BICD1: variants seen among roughly 807,000 people sequenced by gnomAD.
BICD1 encodes BICD cargo adaptor 1.
A neutral mutation model predicts 92.5 loss-of-function variants in BICD1; 35 were observed. The ratio of observed to expected loss-of-function variants is 0.38; its 90% CI spans 0.29 to 0.50. The LOEUF (loss-of-function observed/expected upper bound fraction) is 0.50. Among genes scored for constraint, BICD1 ranks in the 20% least tolerant of loss-of-function variants. The pLI, the probability that BICD1 is intolerant of heterozygous loss-of-function variation, is 0.93. For synonymous variants in BICD1, 429 were observed against 465.1 expected (o/e 0.92, Z 1.00); for missense variants, 950 against 1,189.8 (o/e 0.80, Z 2.97).
chr12:32,299,387 G>T (rs1305610403), intron 3 of BICD1, among the ~76,000 whole-genome samples: 1 of 152,194 alleles, frequency 6.6e-6, no homozygotes, highest in Non-Finnish European at 1.5e-5. Flanking sequence ...GGAGTGATGA[G>T]TTTGCCTCAG....
chr12:32,298,870 C>CAAAAAAA (rs59280755), intron 3 of BICD1, among the ~76,000 whole-genome samples: 37 of 56,034 alleles, frequency 6.6e-4, no homozygotes, highest in African/African-American at 1.2e-3. Flanking sequence ...AACTCCATCT[C>CAAAAAAA]AAAAAAAAAA....
chr12:32,199,904 T>G (rs569132177), intron 1 of BICD1, among the ~76,000 whole-genome samples: 2 of 152,184 alleles, frequency 1.3e-5, no homozygotes. Flanking sequence ...TATTTTGTTA[T>G]GCTTTAAGGC....
intron 2 of BICD1, among the ~76,000 whole-genome samples, chr12:32,256,939 G>T (rs567159790): frequency 6.6e-6 from 1 of 152,254 alleles, no homozygotes; most frequent in South Asian, 2.1e-4. Flanking sequence ...TTCTGGCTGG[G>T]TGTAGTGGCT....
intron 8 of BICD1, among the ~76,000 whole-genome samples, chr12:32,341,677 GC>G (rs1470204537): frequency 6.6e-6 from 1 of 151,992 alleles, no homozygotes; most frequent in African/African-American, 2.4e-5. Flanking sequence ...CCAGATTAAC[GC>G]TTAGTAAATT....
intron 1 of BICD1, among the ~76,000 whole-genome samples, chr12:32,143,532 A>T (rs1004078507): frequency 6.6e-6 from 1 of 152,140 alleles, no homozygotes; most frequent in Non-Finnish European, 1.5e-5. Flanking sequence ...ATGGTATAGT[A>T]TCCCATTGTA....
intron 1 of BICD1, among the ~76,000 whole-genome samples, chr12:32,204,792 G>A (rs75818022): frequency 5.0e-4 from 76 of 152,260 alleles, no homozygotes; most frequent in African/African-American, 1.8e-3. Context: ...AAGACGATGG[G>A]ATATCTTAAA....
intron 1 of BICD1, among the ~76,000 whole-genome samples, chr12:32,136,079 G>A (rs1942726696): frequency 6.6e-6 from 1 of 152,132 alleles, no homozygotes; most frequent in Non-Finnish European, 1.5e-5. Context: ...TTCTTTAGCT[G>A]GTGCTCCTCT....
chr12:32,296,334 T>G (rs1947873014), intron 3 of BICD1, among the ~76,000 whole-genome samples: 2 of 138,478 alleles, frequency 1.4e-5, no homozygotes, highest in Non-Finnish European at 3.0e-5. Flanking sequence ...CTTGGCTCAC[T>G]GCAACCTCTG....
intron 2 of BICD1, among the ~76,000 whole-genome samples, chr12:32,246,291 C>T (rs1479106453): frequency 1.1e-5 from 1 of 94,944 alleles, no homozygotes; most frequent in Non-Finnish European, 2.1e-5. Flanking sequence ...GCCTGGGGAA[C>T]ATAGTGAGAA....
chr12:32,344,188 T>C (rs1393051236), intron 8 of BICD1, among the ~76,000 whole-genome samples: 1 of 152,118 alleles, frequency 6.6e-6, no homozygotes, highest in Non-Finnish European at 1.5e-5. Flanking sequence ...CCAGAAGAAA[T>C]GCAAGGCTGG....
At chr12:32,241,307 G>A (rs941717464) in intron 2 of BICD1, among the ~76,000 whole-genome samples, 3 of 152,162 alleles carry the variant, frequency 2.0e-5, no homozygotes, top group Non-Finnish European at 2.9e-5. Context: ...ATGTATAAGG[G>A]CATGCCTACC....
At position 32,112,001 on chromosome 12, in the gene BICD1, C is replaced by CTTTTTT. The variant is rs35592483; in HGVS notation, c.213+4474_213+4479dup. 3.4e-4 allele frequency among the ~76,000 whole-genome samples: 33 copies of CTTTTTT among 97,076 alleles called. 1 individual carries two copies. Among genetic ancestry groups the CTTTTTT allele is most frequent in the Middle Eastern group, 8.3e-3 (1 of 120 alleles). The allele number at this position is 97,076 out of a possible 152,430, so 63.7% of individuals were successfully genotyped here. ...CCAGTTGCTCTAACTTGCACTATCC[C>CTTTTTT]TTTTTTTTTTTTTTTTTTTTTTGAG... On this transcript the variant is annotated intron_variant, in intron 1 of 9. Transcript: ENST00000652176.
chr12:32,167,687 C>T (rs1383044877), intron 1 of BICD1, among the ~76,000 whole-genome samples: 1 of 152,154 alleles, frequency 6.6e-6, no homozygotes, highest in East Asian at 1.9e-4. Flanking sequence ...AACTCCTGAC[C>T]TCAGGTGATC....
intron 8 of BICD1, among the ~76,000 whole-genome samples, chr12:32,348,757 T>C (rs1450967937): frequency 4.0e-5 from 1 of 25,314 alleles, no homozygotes; most frequent in Non-Finnish European, 7.1e-5. Flanking sequence ...TATATATATA[T>C]ATATATATAT....
chr12:32,367,689 C>T lies in BICD1; in HGVS notation c.2784C>T (p.Ala928=). 3 of 1,614,070 alleles carry T rather than the reference C, an allele frequency of 1.9e-6. No individual in the cohort carries two copies. The highest frequency in any genetic ancestry group is 2.2e-5 in the East Asian group (1 of 44,888). Residue 928 remains alanine, a synonymous_variant, in exon 9 of 10, where the codon GCC becomes GCT. Transcript: ENST00000652176. ...TTGTAGATTGTCAGCAGCCTGCTGCCTCCGTACCGCCACAGTGCTCACAAC... is the reference window on the plus strand; with the variant it reads ...TTGTAGATTGTCAGCAGCCTGCTGCTTCCGTACCGCCACAGTGCTCACAAC... ...VAPPDCQQPA[A]SVPPQCSQLA... is the part of the protein sequence containing the mutation.
chr12:32,216,535 A>G, intron 2 of BICD1, 76 bp downstream of exon 2: 1 of 1,473,182 alleles, frequency 6.8e-7, no homozygotes, highest in Middle Eastern at 1.8e-4. Flanking sequence ...AGAGAGGAAT[A>G]ACACTTTTGT....
intron 9 of BICD1, among the ~76,000 whole-genome samples, chr12:32,376,783 G>T (rs760794501): frequency 6.7e-6 from 1 of 148,596 alleles, no homozygotes; most frequent in African/African-American, 2.5e-5. Flanking sequence ...CAGGAGAATC[G>T]CTTGAACTCG....
chr12:32,204,382 A>T (rs1944991267), intron 1 of BICD1, among the ~76,000 whole-genome samples: 1 of 151,954 alleles, frequency 6.6e-6, no homozygotes, highest in Non-Finnish European at 1.5e-5. Context: ...AATGGTCAAT[A>T]AAAATGTGAA....
At chr12:32,292,956 CT>C (rs1947762453) in intron 2 of BICD1, among the ~76,000 whole-genome samples, 1 of 152,028 alleles carries the variant, frequency 6.6e-6, no homozygotes, top group African/African-American at 2.4e-5. Context: ...AAATATTTTA[CT>C]TAATTGATTG....
Sources: allele counts gnomAD v4.1 joint callset (sites outside exome capture counted in the v4.1 genomes callset), GRCh38; gene constraint gnomAD v4.1.1; transcripts MANE v1.5; gene names NCBI Gene and HGNC (gene_info 2026-07-23, HGNC 2026-07-21).